Variants in LARGE1 observed in about 807,000 individuals in gnomAD.
LARGE1 encodes the protein xylosyl- and glucuronyltransferase LARGE1.
In LARGE1, 43 loss-of-function variants were observed where a neutral mutation model predicts 87.6. That is an observed-to-expected ratio of 0.49 (90% CI 0.38 to 0.63). The LOEUF is 0.63. Among genes scored for constraint, LARGE1 ranks in the 30% least tolerant of loss-of-function variants. The pLI is 0.00. For missense variants in LARGE1, 802 were observed against 1,000.2 expected (o/e 0.80, Z 2.67); for synonymous variants, 434 against 394.6 (o/e 1.10, Z -1.18).
chr22:33,631,793 C>T lies in LARGE1; in HGVS notation c.409-5467G>A, dbSNP rs148171666. ...TATTATTATGTACTGTACATAATTG[C>T]GCTATAGTTTTATACAAATGGCAGC... is the stretch of plus-strand genomic sequence containing the variant. On this transcript the variant is annotated intron_variant, in intron 3 of 14. Transcript: ENST00000397394. Among the ~76,000 whole-genome samples the T allele has an allele frequency of 1.4e-3, 218 of 152,272 alleles. 1 individual carries two copies. Among genetic ancestry groups the T allele is most frequent in the African/African-American group, 4.5e-3 (187 of 41,560 alleles).
At chr22:33,738,862 G>T (rs1044789117) in intron 2 of LARGE1, among the ~76,000 whole-genome samples, 7 of 144,438 alleles carry the variant, frequency 4.8e-5, no homozygotes, top group African/African-American at 1.6e-4. Flanking sequence ...AAAAAAAAAA[G>T]AGAGACCATG....
At chr22:33,351,885 C>T (rs566206426) in intron 9 of LARGE1, among the ~76,000 whole-genome samples, 14 of 151,786 alleles carry the variant, frequency 9.2e-5, no homozygotes, top group African/African-American at 2.4e-4. Flanking sequence ...ATTACATGTG[C>T]GCGCCACCAC....
At chr22:33,552,993 C>T (rs2077574802) in intron 6 of LARGE1, among the ~76,000 whole-genome samples, 1 of 152,162 alleles carries the variant, frequency 6.6e-6, no homozygotes, top group Non-Finnish European at 1.5e-5. Context: ...CTGTACTTTC[C>T]CCACTGAGAT....
At chr22:33,464,301 A>T (rs1194910718) in intron 6 of LARGE1, among the ~76,000 whole-genome samples, 1 of 152,232 alleles carries the variant, frequency 6.6e-6, no homozygotes, top group East Asian at 1.9e-4. Context: ...TAAGAAGAGT[A>T]TTTTTATGAC....
chr22:33,794,289 A>T (rs1344662601), intron 1 of LARGE1, among the ~76,000 whole-genome samples: 1 of 152,182 alleles, frequency 6.6e-6, no homozygotes. Context: ...TCTTCTCAGG[A>T]GGGAGGGAAG....
chr22:33,103,733 G>A, the LARGE1 span, among the ~76,000 whole-genome samples: 1 of 152,186 alleles, frequency 6.6e-6, no homozygotes, highest in African/African-American at 2.4e-5. Context: ...GACTTTGGAA[G>A]TTTATATGGT....
chr22:33,298,747 C>T (rs1933714944), intron 12 of LARGE1, among the ~76,000 whole-genome samples: 1 of 152,172 alleles, frequency 6.6e-6, no homozygotes, highest in African/African-American at 2.4e-5. Flanking sequence ...AGGAAGATTG[C>T]TTGAGCCCAG....
intron 2 of LARGE1, among the ~76,000 whole-genome samples, chr22:33,719,241 T>G (rs1039908584): frequency 6.6e-5 from 10 of 152,212 alleles, no homozygotes; most frequent in African/African-American, 2.2e-4. Flanking sequence ...TCAAAAAGCT[T>G]AAAAATATTT....
At chr22:33,312,348 G>A (rs983790950) in intron 11 of LARGE1, among the ~76,000 whole-genome samples, 8 of 151,176 alleles carry the variant, frequency 5.3e-5, no homozygotes, top group Non-Finnish European at 8.8e-5. Flanking sequence ...GTTGAGGCGG[G>A]AGAATCGCTC....
At chr22:33,282,964 C>G (rs1216870299) in intron 13 of LARGE1, among the ~76,000 whole-genome samples, 1 of 152,156 alleles carries the variant, frequency 6.6e-6, no homozygotes, top group Non-Finnish European at 1.5e-5. Context: ...ACATGCCTAC[C>G]CTTCCATCTG....
chr22:33,842,661 C>A (rs2063313654), intron 1 of LARGE1, among the ~76,000 whole-genome samples: 1 of 152,186 alleles, frequency 6.6e-6, no homozygotes, highest in African/African-American at 2.4e-5. Flanking sequence ...AAACATTCAG[C>A]CCAGCACTGC....
At chr22:33,409,226 G>A (rs904841942) in intron 7 of LARGE1, among the ~76,000 whole-genome samples, 3 of 152,156 alleles carry the variant, frequency 2.0e-5, no homozygotes, top group African/African-American at 7.2e-5. Flanking sequence ...CAAGGGCTCA[G>A]GGGGACAAGG....
chr22:33,756,037 C>T (rs531301497), intron 2 of LARGE1, among the ~76,000 whole-genome samples: 3 of 152,162 alleles, frequency 2.0e-5, no homozygotes, highest in South Asian at 2.1e-4. Flanking sequence ...GCAGTAAGAC[C>T]GCAAGAGTGA....
intron 6 of LARGE1, among the ~76,000 whole-genome samples, chr22:33,543,502 C>T (rs543624902): frequency 6.6e-6 from 1 of 152,212 alleles, no homozygotes; most frequent in African/African-American, 2.4e-5. Flanking sequence ...GGGGTAAAGG[C>T]CCTGTCAATA....
chr22:33,132,366 T>C, the LARGE1 span, among the ~76,000 whole-genome samples: 1 of 151,338 alleles, frequency 6.6e-6, no homozygotes, highest in Non-Finnish European at 1.5e-5. Context: ...GTGTTTTTTG[T>C]AGAGACGGGG....
At chr22:33,207,460 C>A (rs998679671) in intron 11 of LARGE1, among the ~76,000 whole-genome samples, 3 of 152,076 alleles carry the variant, frequency 2.0e-5, no homozygotes, top group Admixed American at 1.3e-4. Flanking sequence ...ATATCTATTC[C>A]CCTTCTGCCC....
intron 11 of LARGE1, among the ~76,000 whole-genome samples, chr22:33,240,792 A>G (rs1926475731): frequency 6.6e-6 from 1 of 152,146 alleles, no homozygotes; most frequent in Non-Finnish European, 1.5e-5. Context: ...ACTCTTTCTC[A>G]TCCATTAGTA....
chr22:33,385,052 G>A (rs2065277193), intron 7 of LARGE1, among the ~76,000 whole-genome samples: 1 of 148,566 alleles, frequency 6.7e-6, no homozygotes, highest in South Asian at 2.4e-4. Flanking sequence ...GGGTCTTTTT[G>A]GCCCATCCAC....
chr22:33,520,600 A>G (rs1054837099), intron 6 of LARGE1, among the ~76,000 whole-genome samples: 2 of 152,192 alleles, frequency 1.3e-5, no homozygotes, highest in Non-Finnish European at 2.9e-5. Context: ...GAGCCACATC[A>G]GCTTGCAGCT....
Sources: gnomAD v4.1 joint callset for allele counts (sites outside exome capture counted in the v4.1 genomes callset) on GRCh38, gnomAD v4.1.1 for gene constraint, MANE v1.5 for transcripts, NCBI Gene and HGNC (gene_info 2026-07-23, HGNC 2026-07-21) for gene names.